Variants in RASSF3 observed in about 807,000 individuals in gnomAD.
RASSF3 encodes ras association domain-containing protein 3.
A neutral mutation model predicts 19.9 loss-of-function variants in RASSF3; 19 were observed. The ratio of observed to expected loss-of-function variants is 0.96; its 90% CI spans 0.67 to 1.40. The LOEUF (loss-of-function observed/expected upper bound fraction) is 1.40, where lower values mean the gene tolerates loss of function less well. Ranked by LOEUF, RASSF3 falls within the 40% of genes most tolerant of loss-of-function variation. The pLI is 0.00. For missense variants in RASSF3, 306 were observed against 289.8 expected (o/e 1.06, Z -0.41); for synonymous variants, 110 against 104.2 (o/e 1.06, Z -0.34).
downstream of RASSF3, among the ~76,000 whole-genome samples, chr12:64,544,066 C>G (rs1037009632): frequency 6.6e-6 from 1 of 152,136 alleles, no homozygotes; most frequent in South Asian, 2.1e-4. Context: ...CAGAGCACGC[C>G]TTGGCACCTC....
At chr12:64,638,017 A>G (rs954712590) in intron 1 of RASSF3, among the ~76,000 whole-genome samples, 3 of 151,496 alleles carry the variant, frequency 2.0e-5, no homozygotes, top group Non-Finnish European at 4.4e-5. Flanking sequence ...TTTTTAGTAG[A>G]GATGGGGTTT....
At chr12:64,578,167 G>A (rs1869628351) in intron 2 of RASSF3, among the ~76,000 whole-genome samples, 1 of 152,084 alleles carries the variant, frequency 6.6e-6, no homozygotes, top group South Asian at 2.1e-4. Context: ...AGGTTGCAGT[G>A]AGCCAAGATC....
At chr12:64,676,368 C>T (rs1210370158) in intron 1 of RASSF3, among the ~76,000 whole-genome samples, 13 of 151,406 alleles carry the variant, frequency 8.6e-5, no homozygotes, top group African/African-American at 2.9e-4. Context: ...AGGGTTTCTC[C>T]ATGTTGGTCA....
At chr12:64,686,029 A>G (rs922318762) in intron 2 of RASSF3, among the ~76,000 whole-genome samples, 2 of 152,182 alleles carry the variant, frequency 1.3e-5, no homozygotes, top group African/African-American at 2.4e-5. Context: ...GCTTTCAGAT[A>G]GAAACCCTTG....
At chr12:64,673,106 A>G (rs1170091304) in intron 1 of RASSF3, among the ~76,000 whole-genome samples, 1 of 152,188 alleles carries the variant, frequency 6.6e-6, no homozygotes, top group Admixed American at 6.5e-5. Flanking sequence ...TCCATAAAGG[A>G]TATGGCAGTC....
chr12:64,672,963 A>T (rs1872748160), intron 1 of RASSF3, among the ~76,000 whole-genome samples: 1 of 152,142 alleles, frequency 6.6e-6, no homozygotes. Flanking sequence ...TGAGTTTCCC[A>T]GATGGGCTCC....
At chr12:64,630,484 C>G (rs1871137183) in intron 1 of RASSF3, among the ~76,000 whole-genome samples, 1 of 152,096 alleles carries the variant, frequency 6.6e-6, no homozygotes, top group South Asian at 2.1e-4. Context: ...TATGGTCACA[C>G]CACTGCACTG....
intron 2 of RASSF3, among the ~76,000 whole-genome samples, chr12:64,687,272 G>T (rs1464777209): frequency 6.6e-6 from 1 of 152,054 alleles, no homozygotes; most frequent in Non-Finnish European, 1.5e-5. Context: ...AAAGTGCTGA[G>T]ATTACAGACA....
chr12:64,542,689 A>C (rs990282271), downstream of RASSF3, among the ~76,000 whole-genome samples: 1 of 152,236 alleles, frequency 6.6e-6, no homozygotes, highest in Non-Finnish European at 1.5e-5. Context: ...CAGGAATTCA[A>C]GACCAGCCTG....
intron 1 of RASSF3, among the ~76,000 whole-genome samples, chr12:64,614,268 G>A (rs1310769288): frequency 1.3e-5 from 2 of 151,750 alleles, no homozygotes; most frequent in African/African-American, 2.4e-5. Context: ...CGAGTAGCTG[G>A]GATCACAGGC....
intron 1 of RASSF3, among the ~76,000 whole-genome samples, chr12:64,660,709 G>A (rs1872325742): frequency 6.6e-6 from 1 of 152,052 alleles, no homozygotes; most frequent in Admixed American, 6.6e-5. Flanking sequence ...AGAAGACTTG[G>A]AAATTGGAAA....
chr12:64,551,443 G>A (rs1335406180), intron 2 of RASSF3, among the ~76,000 whole-genome samples: 4 of 152,094 alleles, frequency 2.6e-5, no homozygotes, highest in Non-Finnish European at 5.9e-5. Context: ...GGGCATGGTG[G>A]TGCGCGCCTG....
At chr12:64,549,481 A>C (rs35112648) in intron 2 of RASSF3, among the ~76,000 whole-genome samples, 13,072 of 152,240 alleles carry the variant, frequency 0.086, 706 homozygotes, top group Middle Eastern at 0.21. Context: ...TATAGCAGCA[A>C]TTACTAGATT....
intron 2 of RASSF3, among the ~76,000 whole-genome samples, chr12:64,593,331 C>T (rs1484010730): frequency 6.6e-6 from 1 of 152,176 alleles, no homozygotes; most frequent in East Asian, 1.9e-4. Context: ...AAGCAATTCT[C>T]CTGCCTCAGC....
chr12:64,647,699 C>T (rs1485021915), intron 1 of RASSF3, among the ~76,000 whole-genome samples: 1 of 152,090 alleles, frequency 6.6e-6, no homozygotes, highest in Non-Finnish European at 1.5e-5. Flanking sequence ...GCATGAACCA[C>T]CGCGCCCGGC....
At chr12:64,580,601 C>CACACACACACAG (rs1869678078) in intron 2 of RASSF3, among the ~76,000 whole-genome samples, 1 of 151,680 alleles carries the variant, frequency 6.6e-6, no homozygotes, top group African/African-American at 2.4e-5. Context: ...CACACACACA[C>CACACACACACAG]ACACACACAC....
intron 2 of RASSF3, chr12:64,599,153 G>A (rs1870045284): frequency 6.6e-6 from 1 of 152,188 alleles, no homozygotes; most frequent in African/African-American, 2.4e-5. Flanking sequence ...TTGACAAGTA[G>A]TGGTGACTCT....
At chr12:64,573,169 T>C (rs919093622) in intron 2 of RASSF3, among the ~76,000 whole-genome samples, 5 of 152,158 alleles carry the variant, frequency 3.3e-5, no homozygotes, top group African/African-American at 9.7e-5. Flanking sequence ...TGAGACCCAG[T>C]TGCTGGGCAT....
At chr12:64,601,691 T>C (rs892922378) in intron 2 of RASSF3, among the ~76,000 whole-genome samples, 11 of 151,930 alleles carry the variant, frequency 7.2e-5, no homozygotes, top group Non-Finnish European at 1.3e-4. Context: ...TGCGTGCCTG[T>C]AGTCCCAGCT....
Sources: allele counts gnomAD v4.1 joint callset (sites outside exome capture counted in the v4.1 genomes callset), GRCh38; gene constraint gnomAD v4.1.1; transcripts MANE v1.5; gene names NCBI Gene and HGNC (gene_info 2026-07-23, HGNC 2026-07-21).